EPB41L4B: variants seen among roughly 807,000 people sequenced by gnomAD.
The protein encoded by EPB41L4B is erythrocyte membrane protein band 4.1 like 4B.
Under a neutral mutation model 112.5 loss-of-function variants are expected in EPB41L4B, and 30 were observed. That is an observed-to-expected ratio of 0.27 (90% CI 0.20 to 0.36). The LOEUF is 0.36. Among genes scored for constraint, EPB41L4B ranks in the 10% least tolerant of loss-of-function variants. The pLI, the probability that EPB41L4B is intolerant of heterozygous loss-of-function variation, is 1.00. For synonymous variants in EPB41L4B, 408 were observed against 439.7 expected (o/e 0.93, Z 0.90); for missense variants, 1,024 against 1,133.3 (o/e 0.90, Z 1.38).
intron 24 of EPB41L4B, among the ~76,000 whole-genome samples, chr9:109,180,061 G>A (rs1219698513): frequency 6.6e-6 from 1 of 152,158 alleles, no homozygotes; most frequent in Non-Finnish European, 1.5e-5. Flanking sequence ...TGCCCCTCCA[G>A]TTTTATCACC....
At chr9:109,273,585 C>T (rs770740452) in intron 2 of EPB41L4B, among the ~76,000 whole-genome samples, 7 of 152,172 alleles carry the variant, frequency 4.6e-5, no homozygotes, top group Non-Finnish European at 8.8e-5. Context: ...TTTCTTTGGA[C>T]CACCATGCAA....
At chr9:109,200,363 A>G (rs2118740369) in intron 19 of EPB41L4B, 29 bp from the exon 20 acceptor site, 2 of 1,573,026 alleles carry the variant, frequency 1.3e-6, no homozygotes, top group Non-Finnish European at 1.8e-6. Context: ...ACAGAACAAT[A>G]CCATCAAAAA....
chr9:109,176,050 GCACACA>G (rs58215877), intron 25 of EPB41L4B, among the ~76,000 whole-genome samples: 547 of 32,970 alleles, frequency 0.017, 1 homozygote, highest in African/African-American at 0.066. Context: ...TCACACACAC[GCACACA>G]CACACACACA....
intron 6 of EPB41L4B, among the ~76,000 whole-genome samples, chr9:109,262,267 T>C (rs1835231269): frequency 6.6e-6 from 1 of 152,164 alleles, no homozygotes; most frequent in Admixed American, 6.5e-5. Context: ...CTGCTGGAGC[T>C]TCTAGAACCT....
chr9:109,241,787 ACCTGTCAT>A, intron 15 of EPB41L4B: 1 of 1,614,176 alleles, frequency 6.2e-7, no homozygotes, highest in Non-Finnish European at 8.5e-7. Flanking sequence ...TTCCAATGCG[ACCTGTCAT>A]CCTGAAAGGA....
intron 1 of EPB41L4B, among the ~76,000 whole-genome samples, chr9:109,297,342 G>A (rs1432913567): frequency 6.6e-6 from 1 of 152,188 alleles, no homozygotes; most frequent in Non-Finnish European, 1.5e-5. Flanking sequence ...GGGGTACTTT[G>A]TTACAGCAGT....
At chr9:109,265,842 C>G (rs1835383381) in intron 4 of EPB41L4B, among the ~76,000 whole-genome samples, 1 of 152,242 alleles carries the variant, frequency 6.6e-6, no homozygotes, top group South Asian at 2.1e-4. Context: ...CCCCAGGAAT[C>G]TGAGCTGTTC....
intron 15 of EPB41L4B, among the ~76,000 whole-genome samples, chr9:109,227,495 T>C (rs1453298141): frequency 6.6e-6 from 1 of 152,234 alleles, no homozygotes; most frequent in Admixed American, 6.5e-5. Flanking sequence ...TTTAAACTTT[T>C]TCATTAAGGT....
At chr9:109,201,890 A>G (rs1280354645) in intron 19 of EPB41L4B, among the ~76,000 whole-genome samples, 1 of 54,520 alleles carries the variant, frequency 1.8e-5, no homozygotes, top group East Asian at 5.0e-4. Flanking sequence ...AAGGAGTGGC[A>G]TAGTCAGATT....
At chr9:109,251,046 C>T (rs935869505) in intron 13 of EPB41L4B, among the ~76,000 whole-genome samples, 10 of 152,322 alleles carry the variant, frequency 6.6e-5, no homozygotes, top group African/African-American at 2.2e-4. Flanking sequence ...CATTTTCCTG[C>T]AGGAATTTCA....
chr9:109,259,731 T>C (rs1354420394), intron 6 of EPB41L4B, among the ~76,000 whole-genome samples: 1 of 152,180 alleles, frequency 6.6e-6, no homozygotes, highest in Non-Finnish European at 1.5e-5. Flanking sequence ...TCTCCCTTCT[T>C]TTCCTTTTAC....
At chr9:109,213,354 G>A (rs1023480164) in intron 17 of EPB41L4B, among the ~76,000 whole-genome samples, 1 of 152,160 alleles carries the variant, frequency 6.6e-6, no homozygotes, top group Non-Finnish European at 1.5e-5. Flanking sequence ...CATCTACAAT[G>A]TGCCAGGCAT....
intron 1 of EPB41L4B, among the ~76,000 whole-genome samples, chr9:109,281,599 G>C (rs2119141218): frequency 6.6e-6 from 1 of 152,258 alleles, no homozygotes; most frequent in East Asian, 1.9e-4. Context: ...CTATTCAGGA[G>C]GCTGAGGTCG....
intron 15 of EPB41L4B, chr9:109,240,399 G>C: frequency 2.0e-6 from 2 of 985,350 alleles, no homozygotes; most frequent in Non-Finnish European, 2.4e-6. Flanking sequence ...AGCCAAAAAA[G>C]ATCAGATTTT....
chr9:109,216,869 C>A, intron 16 of EPB41L4B, 53 bp downstream of exon 16: 1 of 1,547,066 alleles, frequency 6.5e-7, no homozygotes, highest in South Asian at 1.1e-5. Flanking sequence ...AACTCTCGTG[C>A]CCTGCAGCAT....
In EPB41L4B at chr9:109,211,632, T is replaced by TTG. The variant is rs138857071; in HGVS notation, c.1752+2066_1752+2067dup. 4.0e-5 allele frequency among the ~76,000 whole-genome samples: 6 copies of TTG among 151,036 alleles called. No homozygotes were observed. The East Asian group carries it at 7.8e-4, about 20-fold the overall frequency. Reference sequence around the variant, plus strand: ...AAATCAAAGTGTGAAGTAATATATTTTGTGTGTGTGTGTGTCGGGACAAAG... The same window carrying TTG: ...AAATCAAAGTGTGAAGTAATATATTTTGTGTGTGTGTGTGTGTCGGGACAAAG... On this transcript the variant is annotated intron_variant, in intron 17 of 25. Coordinates refer to ENST00000374566, the MANE Select transcript of EPB41L4B (RefSeq NM_019114.5).
chr9:109,204,358 C>T (rs1348635923), intron 18 of EPB41L4B, among the ~76,000 whole-genome samples: 1 of 151,848 alleles, frequency 6.6e-6, no homozygotes, highest in Non-Finnish European at 1.5e-5. Context: ...CAGAGCTTGG[C>T]CTCTGTTCTA....
rs376017883 is a variant in EPB41L4B, at chr9:109,255,856, A to T, written c.930-13T>A. ...GGTAATTTTAGGCCTAGTCAGACAGAAAGCATTTTAAAAGCACAATCTGCA... is the reference window on the plus strand; with the variant it reads ...GGTAATTTTAGGCCTAGTCAGACAGTAAGCATTTTAAAAGCACAATCTGCA... On this transcript the variant is annotated splice_polypyrimidine_tract_variant and intron_variant, in intron 9 of 25. Coordinates refer to ENST00000374566, the MANE Select transcript of EPB41L4B (RefSeq NM_019114.5). 9 of 1,609,174 alleles carry T rather than the reference A, an allele frequency of 5.6e-6. No individual in the cohort carries two copies. The Admixed American group carries it at 8.5e-5, about 15-fold the overall frequency.
chr9:109,311,565 G>C (rs1054047259), intron 1 of EPB41L4B, among the ~76,000 whole-genome samples: 3 of 152,206 alleles, frequency 2.0e-5, no homozygotes, highest in Middle Eastern at 3.2e-3. Flanking sequence ...AGAAAATGCT[G>C]GGCACTCAGC....
Sources: allele counts gnomAD v4.1 joint callset (sites outside exome capture counted in the v4.1 genomes callset), GRCh38; gene constraint gnomAD v4.1.1; transcripts MANE v1.5; gene names NCBI Gene and HGNC (gene_info 2026-07-23, HGNC 2026-07-21).